Variants in LRRC37A2 observed in about 807,000 individuals in gnomAD.
LRRC37A2 encodes leucine rich repeat containing 37 member A2.
Under a neutral mutation model 68.8 loss-of-function variants are expected in LRRC37A2, and 9 were observed. The ratio of observed to expected loss-of-function variants is 0.13; its 90% confidence interval spans 0.08 to 0.23. The LOEUF (loss-of-function observed/expected upper bound fraction) is 0.23. Ranked by LOEUF, LRRC37A2 falls within the 10% of genes least tolerant of loss-of-function variation. The pLI is 1.00. For missense variants in LRRC37A2, 168 were observed against 950.4 expected (o/e 0.18, Z 10.82); for synonymous variants, 63 against 367.6 (o/e 0.17, Z 9.48).
the LRRC37A2 span, among the ~76,000 whole-genome samples, chr17:46,893,845 G>A: frequency 2.6e-5 from 4 of 152,168 alleles, no homozygotes; most frequent in Non-Finnish European, 5.9e-5. Context: ...AGGTGGCCAG[G>A]GGCTGAGGGT....
At chr17:46,813,667 G>A in the LRRC37A2 span, among the ~76,000 whole-genome samples, 1 of 152,022 alleles carries the variant, frequency 6.6e-6, no homozygotes, top group Non-Finnish European at 1.5e-5. Flanking sequence ...CTTTTCCCTG[G>A]AAGGGTTTGT....
the LRRC37A2 span, among the ~76,000 whole-genome samples, chr17:47,023,005 TTACTC>T: frequency 3.3e-5 from 5 of 152,242 alleles, no homozygotes; most frequent in Non-Finnish European, 7.3e-5. Flanking sequence ...TTGTGCCAAC[TTACTC>T]TATTGTCAGC....
the LRRC37A2 span, chr17:46,722,240 C>T: frequency 1.6e-6 from 2 of 1,220,836 alleles, no homozygotes; most frequent in African/African-American, 3.0e-5. Context: ...CGTCAAAATC[C>T]CTACATTCTT....
chr17:46,854,076 C>T, the LRRC37A2 span, among the ~76,000 whole-genome samples: 2 of 152,150 alleles, frequency 1.3e-5, no homozygotes, highest in African/African-American at 4.8e-5. Flanking sequence ...ACAAAAGACA[C>T]AAAAGCCACC....
At chr17:46,916,111 C>T in the LRRC37A2 span, among the ~76,000 whole-genome samples, 1 of 152,180 alleles carries the variant, frequency 6.6e-6, no homozygotes, top group Non-Finnish European at 1.5e-5. Flanking sequence ...AGGTGTTCAC[C>T]CCTCTCCAAG....
At chr17:46,901,492 T>G in the LRRC37A2 span, among the ~76,000 whole-genome samples, 1 of 152,060 alleles carries the variant, frequency 6.6e-6, no homozygotes, top group Non-Finnish European at 1.5e-5. Flanking sequence ...AGAGAGCCAA[T>G]GCAGCTGGAG....
the LRRC37A2 span, among the ~76,000 whole-genome samples, chr17:46,878,978 C>T: frequency 1.3e-5 from 2 of 152,166 alleles, no homozygotes; most frequent in Admixed American, 6.5e-5. Flanking sequence ...TCCAGTTACC[C>T]CTGAAGACCC....
At chr17:46,621,946 C>CT in the LRRC37A2 span, among the ~76,000 whole-genome samples, 1 of 140,816 alleles carries the variant, frequency 7.1e-6, no homozygotes. Flanking sequence ...TGGTCCTTGG[C>CT]TTTTTTTAGG....
chr17:46,966,687 G>A, the LRRC37A2 span: 22 of 524,000 alleles, frequency 4.2e-5, no homozygotes, highest in Admixed American at 2.0e-4. Context: ...TTTGAACTCT[G>A]GTTCTATCAA....
At chr17:46,755,932 A>C in the LRRC37A2 span, 2 of 1,052,138 alleles carry the variant, frequency 1.9e-6, no homozygotes, top group Admixed American at 4.4e-5. Context: ...AACGTTCTCT[A>C]CCTTCAACAT....
chr17:46,982,339 C>T, the LRRC37A2 span, among the ~76,000 whole-genome samples: 2 of 152,236 alleles, frequency 1.3e-5, no homozygotes, highest in East Asian at 3.8e-4. Context: ...TGAAGTCAGA[C>T]TGCCTGATGT....
intron 6 of LRRC37A2, among the ~76,000 whole-genome samples, chr17:46,526,420 C>T (rs62073313): frequency 9.9e-6 from 1 of 101,484 alleles, no homozygotes; most frequent in Non-Finnish European, 2.1e-5. Flanking sequence ...TGTGGTTGAT[C>T]GATGATGAAT....
the LRRC37A2 span, among the ~76,000 whole-genome samples, chr17:46,962,606 A>G: frequency 1.3e-5 from 2 of 152,234 alleles, no homozygotes; most frequent in Admixed American, 1.3e-4. Context: ...TGGAGAAGCC[A>G]CATGGAGGAA....
the LRRC37A2 span, among the ~76,000 whole-genome samples, chr17:46,754,134 G>A: frequency 2.0e-5 from 3 of 146,776 alleles, no homozygotes; most frequent in Admixed American, 7.0e-5. Flanking sequence ...AACTACAACT[G>A]CGCTCCAGCC....
chr17:46,865,718 C>T, the LRRC37A2 span, among the ~76,000 whole-genome samples: 1 of 152,078 alleles, frequency 6.6e-6, no homozygotes, highest in African/African-American at 2.4e-5. Flanking sequence ...TGGGCTCAAG[C>T]GATCCTCCTA....
At chr17:46,392,509 TTCTC>T in the LRRC37A2 span, among the ~76,000 whole-genome samples, 4,002 of 42,330 alleles carry the variant, frequency 0.095, 1,588 homozygotes, top group East Asian at 0.98. Context: ...TTTTCTCTCT[TTCTC>T]TCTCTCTCTC....
the LRRC37A2 span, among the ~76,000 whole-genome samples, chr17:46,823,687 A>G: frequency 6.6e-6 from 1 of 151,994 alleles, no homozygotes; most frequent in Non-Finnish European, 1.5e-5. Context: ...TGACCCACCC[A>G]TCTTGGTCTC....
the LRRC37A2 span, among the ~76,000 whole-genome samples, chr17:46,785,346 G>A: frequency 2.0e-5 from 3 of 152,224 alleles, no homozygotes; most frequent in Non-Finnish European, 4.4e-5. Context: ...CACCGTGAGT[G>A]CAGCAGGAAC....
the LRRC37A2 span, among the ~76,000 whole-genome samples, chr17:46,855,262 T>C: frequency 5.3e-5 from 8 of 152,228 alleles, no homozygotes; most frequent in Non-Finnish European, 7.3e-5. Flanking sequence ...CCCTGCTTAA[T>C]TGACTCTTTT....
Sources: gnomAD v4.1 joint callset for allele counts (sites outside exome capture counted in the v4.1 genomes callset) on GRCh38, gnomAD v4.1.1 for gene constraint, MANE v1.5 for transcripts, NCBI Gene and HGNC (gene_info 2026-07-23, HGNC 2026-07-21) for gene names.